Variants in MYO1E observed in about 807,000 individuals in gnomAD.
MYO1E encodes myosin IE.
MYO1E carries 68 observed loss-of-function variants against 151.1 expected under a neutral mutation model. The observed-to-expected ratio is 0.45, with a 90% confidence interval of 0.37 to 0.55. The LOEUF (loss-of-function observed/expected upper bound fraction) is 0.55. Among genes scored for constraint, MYO1E ranks in the 20% least tolerant of loss-of-function variants. MYO1E has a pLI of 0.00. For missense variants in MYO1E, 1,363 were observed against 1,389.3 expected (o/e 0.98, Z 0.30); for synonymous variants, 601 against 501.7 (o/e 1.20, Z -2.64).
chr15:59,298,618 T>G (rs1455800364), intron 1 of MYO1E, among the ~76,000 whole-genome samples: 2 of 152,218 alleles, frequency 1.3e-5, no homozygotes, highest in East Asian at 3.8e-4. Context: ...GCTCCAATCC[T>G]GTTCCCCCTC....
rs1460668689 is a variant in MYO1E at position 59,159,138 on chromosome 15, G to A, written c.2786-759C>T. Reference sequence around the variant, plus strand: ...AGCTGAAGAATAGAGAAGGGTAGGAGGTGACAAGGTGCACAGTGCAAACAC... The same window carrying A: ...AGCTGAAGAATAGAGAAGGGTAGGAAGTGACAAGGTGCACAGTGCAAACAC... On this transcript the variant is annotated intron_variant, in intron 24 of 27. Coordinates refer to ENST00000288235, the MANE Select transcript of MYO1E (RefSeq NM_004998.4). This position sits in a 1 kb window ranked among gnomAD's most constrained non-coding sequence, Gnocchi z 4.4. 6.6e-6 allele frequency among the ~76,000 whole-genome samples: 1 copy of A among 152,188 alleles called. No individual in the cohort carries two copies. Among genetic ancestry groups the A allele is most frequent in the East Asian group, 1.9e-4 (1 of 5,202 alleles).
intron 9 of MYO1E, among the ~76,000 whole-genome samples, chr15:59,221,868 G>C (rs541491847): frequency 1.3e-5 from 2 of 152,160 alleles, no homozygotes; most frequent in East Asian, 1.9e-4. Flanking sequence ...AAAAAATCCA[G>C]TCTACTTCAA....
At chr15:59,277,564 A>AC (rs71119452) in intron 1 of MYO1E, among the ~76,000 whole-genome samples, 22 of 139,848 alleles carry the variant, frequency 1.6e-4, no homozygotes, top group East Asian at 8.5e-4. Flanking sequence ...AAAAAAAAAA[A>AC]AAAAAAAAAC....
At chr15:59,216,684 AT>A (rs2079919835) in intron 10 of MYO1E, among the ~76,000 whole-genome samples, 1 of 6,892 alleles carries the variant, frequency 1.5e-4, no homozygotes, top group Non-Finnish European at 5.3e-4. Context: ...ATATATATAT[AT>A]ACACATACAC....
chr15:59,344,194 C>G (rs1326634679), intron 1 of MYO1E, among the ~76,000 whole-genome samples: 1 of 152,224 alleles, frequency 6.6e-6, no homozygotes, highest in African/African-American at 2.4e-5. Context: ...TTGTTATGAT[C>G]TAAGTTTGTG....
At chr15:59,222,568 A>G (rs892667452) in intron 9 of MYO1E, among the ~76,000 whole-genome samples, 3 of 152,226 alleles carry the variant, frequency 2.0e-5, no homozygotes, top group Non-Finnish European at 1.5e-5. Context: ...GTGTTCAGAA[A>G]TCCAATGTAA....
At chr15:59,157,861 T>A (rs1007571004) in intron 25 of MYO1E, among the ~76,000 whole-genome samples, 1 of 152,146 alleles carries the variant, frequency 6.6e-6, no homozygotes, top group African/African-American at 2.4e-5. Context: ...TTGGAATGCA[T>A]CCCCCGAGGA....
intron 5 of MYO1E, among the ~76,000 whole-genome samples, 193 bp downstream of exon 5, chr15:59,236,392 A>T (rs2080065698): frequency 7.3e-6 from 1 of 137,594 alleles, no homozygotes; most frequent in Non-Finnish European, 1.7e-5. Context: ...ACACACACAC[A>T]CACACACACA....
intron 1 of MYO1E, among the ~76,000 whole-genome samples, chr15:59,277,826 T>A (rs140021727): frequency 1.5e-4 from 23 of 152,336 alleles, no homozygotes; most frequent in African/African-American, 5.5e-4. Flanking sequence ...GAGTAGTCAA[T>A]ATGTGGAATA....
intron 1 of MYO1E, among the ~76,000 whole-genome samples, chr15:59,321,999 C>A (rs540168646): frequency 2.0e-5 from 3 of 152,154 alleles, no homozygotes; most frequent in South Asian, 4.2e-4. Flanking sequence ...CATGGCAAAA[C>A]CCCAACTTTA....
At chr15:59,277,611 T>A (rs1485649704) in intron 1 of MYO1E, among the ~76,000 whole-genome samples, 1 of 151,226 alleles carries the variant, frequency 6.6e-6, no homozygotes, top group East Asian at 1.9e-4. Flanking sequence ...GCAACTGTAT[T>A]TTTTAGGAAA....
intron 1 of MYO1E, among the ~76,000 whole-genome samples, chr15:59,314,325 T>C (rs544445468): frequency 4.0e-4 from 61 of 152,342 alleles, no homozygotes; most frequent in African/African-American, 1.4e-3. Context: ...AAAGAACTTC[T>C]GGGAAGTGAA....
intron 14 of MYO1E, chr15:59,207,050 C>T (rs764963308): frequency 1.1e-5 from 17 of 1,614,128 alleles, no homozygotes; most frequent in East Asian, 4.5e-5. Context: ...ACGCGCATCC[C>T]GCTCAACGGC....
intron 22 of MYO1E, among the ~76,000 whole-genome samples, chr15:59,170,449 G>A (rs1439888917): frequency 2.0e-5 from 3 of 152,180 alleles, no homozygotes; most frequent in Non-Finnish European, 4.4e-5. Flanking sequence ...GCTTCCTGTT[G>A]GGTTTCCACG....
chr15:59,279,758 G>A (rs1207153287), intron 1 of MYO1E, among the ~76,000 whole-genome samples: 1 of 152,140 alleles, frequency 6.6e-6, no homozygotes, highest in Non-Finnish European at 1.5e-5. Context: ...GGTTAGAAGG[G>A]GGAGGGAAAA....
rs1042565887 is a variant in MYO1E at position 59,240,081 on chromosome 15, T to C, written c.333-3409A>G. 2.6e-5 allele frequency among the ~76,000 whole-genome samples: 4 copies of C among 152,382 alleles called. No homozygotes were observed. The East Asian group carries it at 7.7e-4, about 29-fold the overall frequency. ...GGCAGCCCGTCCTAATTTAATTGAC[T>C]TATAAAATGGACACACACACACAAA... On this transcript the variant is annotated intron_variant, in intron 4 of 27. Transcript: ENST00000288235.
chr15:59,308,621 G>A lies in MYO1E; in HGVS notation c.4-36172C>T, dbSNP rs538850001. Among the ~76,000 whole-genome samples the A allele has an allele frequency of 9.9e-4, 147 of 148,374 alleles. 1 individual carries two copies. Among genetic ancestry groups the A allele is most frequent in the Non-Finnish European group, 2.5e-4 (17 of 67,422 alleles). ...CGGGAGGTGGAGGTTGCAGTGAGCC[G>A]ACATTGCACCACTGCTCTCCAGCCT... On this transcript the variant is annotated intron_variant, in intron 1 of 27. Transcript: ENST00000288235.
At chr15:59,186,422 T>C (rs1218180543) in intron 18 of MYO1E, among the ~76,000 whole-genome samples, 3 of 151,900 alleles carry the variant, frequency 2.0e-5, no homozygotes, top group Non-Finnish European at 2.9e-5. Context: ...AAAAACATTA[T>C]ATCCAGCCCC....
chr15:59,219,907 G>A (rs1220288273), intron 9 of MYO1E, among the ~76,000 whole-genome samples: 4 of 152,170 alleles, frequency 2.6e-5, no homozygotes, highest in African/African-American at 9.7e-5. Flanking sequence ...CTAAACAGAA[G>A]CATTCTGAGA....
Sources: allele counts gnomAD v4.1 joint callset (sites outside exome capture counted in the v4.1 genomes callset), GRCh38; gene constraint gnomAD v4.1.1; non-coding constraint Gnocchi (gnomAD v3.1); transcripts MANE v1.5; gene names NCBI Gene and HGNC (gene_info 2026-07-23, HGNC 2026-07-21).